Variants in RFT1 observed in about 807,000 individuals in gnomAD.
RFT1 encodes the protein RFT1 glycolipid translocator homolog.
Under a neutral mutation model 62.2 loss-of-function variants are expected in RFT1, and 43 were observed. The ratio of observed to expected loss-of-function variants is 0.69; its 90% CI spans 0.54 to 0.89. The LOEUF is 0.89. RFT1 is among the 40% of genes least tolerant of loss of function. The pLI is 0.00. For synonymous variants in RFT1, 262 were observed against 264.6 expected (o/e 0.99, Z 0.10); for missense variants, 605 against 649.9 (o/e 0.93, Z 0.75).
rs141032936 is a variant in RFT1, at chr3:53,111,181, G to A, written c.775+649C>T. Among the ~76,000 whole-genome samples, 508 of 152,118 alleles carry A rather than the reference G, an allele frequency of 3.3e-3. 4 individuals are homozygous for A. Among genetic ancestry groups the A allele is most frequent in the African/African-American group, 0.012 (487 of 41,516 alleles). On this transcript the variant is annotated intron_variant, in intron 7 of 12. Coordinates refer to ENST00000296292, the MANE Select transcript of RFT1 (RefSeq NM_052859.4). ...GTAATCCCAGCACTCTGAGGCAGGC[G>A]GATCACAAGGTCAGGAGATCGAGAC...
intron 11 of RFT1, among the ~76,000 whole-genome samples, chr3:53,095,492 G>A (rs1385023629): frequency 6.6e-6 from 1 of 152,032 alleles, no homozygotes; most frequent in Middle Eastern, 3.4e-3. Context: ...CAGGCAGATC[G>A]CTTGAGCCCA....
chr3:53,106,289 AT>A (rs1200285541), intron 8 of RFT1, among the ~76,000 whole-genome samples: 1 of 152,160 alleles, frequency 6.6e-6, no homozygotes, highest in African/African-American at 2.4e-5. Context: ...GAGGGATCCC[AT>A]ATATACCCTT....
chr3:53,099,132 C>T (rs547048864), intron 11 of RFT1, among the ~76,000 whole-genome samples: 15 of 152,170 alleles, frequency 9.9e-5, no homozygotes, highest in African/African-American at 3.1e-4. Context: ...CCTTTCAGAG[C>T]CGATGTTTCT....
At chr3:53,072,743 G>A in the RFT1 span, among the ~76,000 whole-genome samples, 1 of 152,206 alleles carries the variant, frequency 6.6e-6, no homozygotes, top group Non-Finnish European at 1.5e-5. Flanking sequence ...GCAGGCTTGT[G>A]GTGACTGCAC....
chr3:53,128,091 A>G (rs888101482), intron 1 of RFT1, among the ~76,000 whole-genome samples: 1 of 152,156 alleles, frequency 6.6e-6, no homozygotes, highest in Non-Finnish European at 1.5e-5. Flanking sequence ...TGAGGTCAGA[A>G]GTTCGAGACC....
intron 1 of RFT1, among the ~76,000 whole-genome samples, chr3:53,129,720 C>A (rs1227368602): frequency 6.6e-6 from 1 of 152,114 alleles, no homozygotes; most frequent in Non-Finnish European, 1.5e-5. Context: ...GAAGATGCAG[C>A]CAACATGTAT....
intron 7 of RFT1, 131 bp from the exon 8 acceptor site, chr3:53,107,000 T>A: frequency 1.4e-6 from 1 of 702,140 alleles, no homozygotes; most frequent in Non-Finnish European, 2.6e-6. Flanking sequence ...GTTAAAGACA[T>A]GTCCTTGTCC....
chr3:53,098,542 C>T lies in RFT1; in HGVS notation c.1208+839G>A, dbSNP rs1018337004. Among the ~76,000 whole-genome samples the T allele has an allele frequency of 2.0e-5, 3 of 152,152 alleles. No individual in the cohort carries two copies. In the South Asian group the frequency reaches 6.2e-4, roughly 32 times the overall value. On this transcript the variant is annotated intron_variant, in intron 11 of 12. Transcript: ENST00000296292. ...ATGAGGCTGGGCACGGTGGCTCATG[C>T]CTGTAATCCCGGCACTTTGGGAGGC...
the RFT1 span, among the ~76,000 whole-genome samples, chr3:53,076,269 T>C: frequency 2.6e-5 from 4 of 152,164 alleles, no homozygotes; most frequent in Admixed American, 2.6e-4. Context: ...CCTCAATGTC[T>C]TCCCTCTGGG....
downstream of RFT1, among the ~76,000 whole-genome samples, chr3:53,085,224 G>A (rs55685808): frequency 6.6e-6 from 1 of 152,206 alleles, no homozygotes; most frequent in African/African-American, 2.4e-5. Flanking sequence ...CTGGGCCCCA[G>A]GAAAAATGAG....
chr3:53,070,744 A>G, the RFT1 span, among the ~76,000 whole-genome samples: 1 of 151,486 alleles, frequency 6.6e-6, no homozygotes, highest in Non-Finnish European at 1.5e-5. Context: ...TAATTTTAAA[A>G]GTTTTTTTTT....
At chr3:53,120,362 C>A (rs1431594177) in intron 5 of RFT1, among the ~76,000 whole-genome samples, 1 of 152,216 alleles carries the variant, frequency 6.6e-6, no homozygotes, top group Non-Finnish European at 1.5e-5. Flanking sequence ...GCTCTTCCAC[C>A]TAGTCAGCAC....
intron 5 of RFT1, among the ~76,000 whole-genome samples, chr3:53,121,057 A>C (rs1273873459): frequency 1.3e-5 from 2 of 152,250 alleles, no homozygotes; most frequent in African/African-American, 4.8e-5. Flanking sequence ...ACTGCTTTGC[A>C]CTGTAAAATG....
intron 11 of RFT1, 137 bp downstream of exon 11, chr3:53,099,244 C>T (rs1224492493): frequency 1.4e-6 from 1 of 726,770 alleles, no homozygotes; most frequent in Non-Finnish European, 2.5e-6. Context: ...CAGGGGAGCA[C>T]CACACTGGTG....
intron 10 of RFT1, among the ~76,000 whole-genome samples, chr3:53,099,741 C>T (rs1375551286): frequency 6.6e-6 from 1 of 152,236 alleles, no homozygotes; most frequent in African/African-American, 2.4e-5. Flanking sequence ...AATCCTAGCA[C>T]TTTGGGAGGC....
chr3:53,115,231 A>G (rs1243969782), intron 6 of RFT1, among the ~76,000 whole-genome samples: 1 of 152,162 alleles, frequency 6.6e-6, no homozygotes, highest in Non-Finnish European at 1.5e-5. Context: ...AGTTCCTTGA[A>G]TTATTAGTGT....
At chr3:53,068,197 C>T in the RFT1 span, among the ~76,000 whole-genome samples, 1 of 152,162 alleles carries the variant, frequency 6.6e-6, no homozygotes. Context: ...TATGAGCCAA[C>T]CTTGTGGTGT....
the RFT1 span, among the ~76,000 whole-genome samples, chr3:53,070,540 T>C: frequency 6.6e-6 from 1 of 151,748 alleles, no homozygotes; most frequent in African/African-American, 2.4e-5. Flanking sequence ...TAGCTGGGAT[T>C]ACAGGCATCC....
In RFT1 at chr3:53,119,302, ACAG is replaced by A. The variant is rs755002482; in HGVS notation, c.696+579_696+581del. On this transcript the variant is annotated intron_variant, in intron 6 of 12. Coordinates refer to ENST00000296292, the MANE Select transcript of RFT1 (RefSeq NM_052859.4). ...TCAACTGAGGAAGAAAACCAAAACC[ACAG>A]CAGAATAGAGAGAGTGGAACACAAT... is the stretch of plus-strand genomic sequence containing the variant. Among the ~76,000 whole-genome samples the A allele has an allele frequency of 2.6e-5, 4 of 152,156 alleles. No individual in the cohort carries two copies. In the South Asian group the frequency reaches 8.3e-4, roughly 31 times the overall value.
Sources: gnomAD v4.1 joint callset for allele counts (sites outside exome capture counted in the v4.1 genomes callset) on GRCh38, gnomAD v4.1.1 for gene constraint, MANE v1.5 for transcripts, NCBI Gene and HGNC (gene_info 2026-07-23, HGNC 2026-07-21) for gene names.